ANK2: variants seen among roughly 807,000 people sequenced by gnomAD.
ANK2 encodes ankyrin-2.
A neutral mutation model predicts 360.5 loss-of-function variants in ANK2; 83 were observed. The observed-to-expected ratio is 0.23, with a 90% confidence interval of 0.19 to 0.28. The LOEUF (loss-of-function observed/expected upper bound fraction) is 0.28. Among genes scored for constraint, ANK2 ranks in the 10% least tolerant of loss-of-function variants. The pLI, the probability that ANK2 is intolerant of heterozygous loss-of-function variation, is 1.00. For synonymous variants in ANK2, 1,740 were observed against 1,759.5 expected, an observed-to-expected ratio of 0.99 and a Z score of 0.28; for missense variants, 4,201 against 4,795.7, an observed-to-expected ratio of 0.88 and a Z score of 3.66.
At chr4:112,875,566 C>G (rs2074796373) in intron 1 of ANK2, among the ~76,000 whole-genome samples, 1 of 151,872 alleles carries the variant, frequency 6.6e-6, no homozygotes, top group South Asian at 2.1e-4. Context: ...GAACTCCTAC[C>G]CTCAAGTGAT....
At chr4:113,362,062 T>C (rs1214105202) in intron 39 of ANK2, among the ~76,000 whole-genome samples, 1 of 152,204 alleles carries the variant, frequency 6.6e-6, no homozygotes, top group Non-Finnish European at 1.5e-5. Context: ...TATTTAAAAG[T>C]AAGAAAAGTT....
chr4:113,027,402 T>C (rs2059507142), intron 2 of ANK2, among the ~76,000 whole-genome samples: 1 of 152,140 alleles, frequency 6.6e-6, no homozygotes, highest in South Asian at 2.1e-4. Flanking sequence ...TTCAATAAAG[T>C]TACTGTGGGG....
intron 1 of ANK2, among the ~76,000 whole-genome samples, chr4:113,112,233 T>C (rs913921409): frequency 1.3e-5 from 2 of 152,192 alleles, no homozygotes; most frequent in Non-Finnish European, 2.9e-5. Flanking sequence ...TTATTTTCTG[T>C]CAAAGAGAGC....
intron 2 of ANK2, among the ~76,000 whole-genome samples, chr4:113,194,835 A>G (rs2098724806): frequency 6.6e-6 from 1 of 152,176 alleles, no homozygotes; most frequent in South Asian, 2.1e-4. Flanking sequence ...TAAAGTCAGT[A>G]TCAATGACTT....
At chr4:112,729,071 G>A in the ANK2 span, among the ~76,000 whole-genome samples, 1 of 152,208 alleles carries the variant, frequency 6.6e-6, no homozygotes, top group South Asian at 2.1e-4. Flanking sequence ...GCCAGGCATG[G>A]TGGCACATGC....
Position 113,213,140 on chromosome 4 carries a change from T to C in ANK2, c.384+14031T>C, listed in dbSNP as rs886605512. ...GAAAATAGAAGTCCAACTAACAAAA[T>C]GTGTTTTAACCAAATATTATTTTTG... On this transcript the variant is annotated intron_variant, in intron 4 of 45. Transcript: ENST00000357077. Among the ~76,000 whole-genome samples the C allele has an allele frequency of 6.6e-5, 10 of 152,334 alleles. No homozygotes were observed. The South Asian group carries it at 8.3e-4, about 13-fold the overall frequency.
At chr4:113,148,920 A>G (rs1188196046) in intron 1 of ANK2, among the ~76,000 whole-genome samples, 1 of 152,226 alleles carries the variant, frequency 6.6e-6, no homozygotes, top group East Asian at 1.9e-4. Context: ...TTCTGAACAT[A>G]ATTGAGTCTT....
the ANK2 span, among the ~76,000 whole-genome samples, chr4:112,715,483 G>A: frequency 1.3e-5 from 2 of 152,204 alleles, no homozygotes; most frequent in African/African-American, 2.4e-5. Context: ...ACACAAATAA[G>A]CTGGTATCAA....
chr4:113,133,824 G>A (rs2096226468), intron 1 of ANK2, among the ~76,000 whole-genome samples: 1 of 152,040 alleles, frequency 6.6e-6, no homozygotes, highest in African/African-American at 2.4e-5. Context: ...AAGAAGGAAG[G>A]AAGAGGTAAG....
At chr4:112,999,542 T>C (rs1228716457) in intron 2 of ANK2, among the ~76,000 whole-genome samples, 1 of 152,108 alleles carries the variant, frequency 6.6e-6, no homozygotes, top group Admixed American at 6.6e-5. Context: ...TTTGAAATAT[T>C]TTGTGCTTTT....
chr4:113,279,495 C>A (rs2061444973), intron 17 of ANK2, among the ~76,000 whole-genome samples: 1 of 151,878 alleles, frequency 6.6e-6, no homozygotes, highest in East Asian at 1.9e-4. Context: ...CTGTGTTTGA[C>A]CTCAGGCAGA....
chr4:112,777,016 G>T, the ANK2 span, among the ~76,000 whole-genome samples: 8 of 151,980 alleles, frequency 5.3e-5, no homozygotes, highest in African/African-American at 1.7e-4. Context: ...AAATTGAAAG[G>T]ATTTTAATTT....
chr4:113,067,788 C>T (rs2076151637), intron 1 of ANK2, among the ~76,000 whole-genome samples: 1 of 152,198 alleles, frequency 6.6e-6, no homozygotes, highest in Admixed American at 6.5e-5. Flanking sequence ...AAGAAGTATT[C>T]TTCTTAGGTT....
chr4:112,716,015 A>G, the ANK2 span, among the ~76,000 whole-genome samples: 1 of 152,320 alleles, frequency 6.6e-6, no homozygotes, highest in Admixed American at 6.5e-5. Context: ...GATTTTAACT[A>G]TTGTTGTTAT....
chr4:113,139,524 G>A (rs2154383661), intron 1 of ANK2, among the ~76,000 whole-genome samples: 1 of 152,306 alleles, frequency 6.6e-6, no homozygotes, highest in South Asian at 2.1e-4. Context: ...GGGGGATTCT[G>A]TACACACATA....
At chr4:112,744,172 C>T in the ANK2 span, among the ~76,000 whole-genome samples, 1 of 152,016 alleles carries the variant, frequency 6.6e-6, no homozygotes, top group East Asian at 1.9e-4. Context: ...TTTGCACCAA[C>T]CTAATAGAGG....
chr4:113,277,932 G>C lies in ANK2; in HGVS notation c.1779G>C (p.Gly593=), dbSNP rs2153698858. Residue 593 remains glycine (G), a synonymous_variant, in exon 16 of 46, where the codon GGG becomes GGC. Transcript: ENST00000357077. Reference sequence around the variant, plus strand: ...GCCGTGCTGCCGCAGATTCTGCAGGGAAGGTAAAGATTTTCTATACGTTAT... The same window carrying C: ...GCCGTGCTGCCGCAGATTCTGCAGGCAAGGTAAAGATTTTCTATACGTTAT... ...LQRRAAADSA[G]KNGLTPLHVA... 6.2e-7 allele frequency: 1 copy of C among 1,612,626 alleles called. No individual in the cohort carries two copies. Among genetic ancestry groups the C allele is most frequent in the Non-Finnish European group, 8.5e-7 (1 of 1,178,762 alleles).
chr4:112,958,620 A>ACC (rs1223381098), intron 2 of ANK2, among the ~76,000 whole-genome samples: 1 of 147,028 alleles, frequency 6.8e-6, no homozygotes, highest in African/African-American at 2.6e-5. Context: ...GGAGAGGGAG[A>ACC]GGGGGGAGAG....
intron 1 of ANK2, among the ~76,000 whole-genome samples, chr4:113,059,170 G>A (rs758514268): frequency 1.8e-4 from 28 of 152,122 alleles, no homozygotes; most frequent in Non-Finnish European, 3.1e-4. Context: ...ATTAGATTTC[G>A]ACTTAGGGAT....
Sources: gnomAD v4.1 joint callset for allele counts (sites outside exome capture counted in the v4.1 genomes callset) on GRCh38, gnomAD v4.1.1 for gene constraint, MANE v1.5 for transcripts, NCBI Gene and HGNC (gene_info 2026-07-23, HGNC 2026-07-21) for gene names.